The following NTM variants were observed in gnomAD, a reference collection of about 807,000 sequenced individuals.
The protein encoded by NTM is neurotrimin.
In NTM, 13 loss-of-function variants were observed where a neutral mutation model predicts 42.1. That is an observed-to-expected ratio of 0.31 (90% CI 0.20 to 0.49). NTM has a LOEUF of 0.49. NTM is among the 20% of genes least tolerant of loss of function. NTM has a pLI of 0.99. For missense variants in NTM, 373 were observed against 452.8 expected, an observed-to-expected ratio of 0.82 and a Z score of 1.60; for synonymous variants, 187 against 179.2, an observed-to-expected ratio of 1.04 and a Z score of -0.35.
At chr11:131,894,098 G>T (rs1283764817) in intron 1 of NTM, among the ~76,000 whole-genome samples, 1 of 152,198 alleles carries the variant, frequency 6.6e-6, no homozygotes, top group African/African-American at 2.4e-5. Flanking sequence ...AGTCAGCACC[G>T]AACACCTCTG....
At chr11:132,268,700 T>TGTG in intron 4 of NTM, among the ~76,000 whole-genome samples, 1 of 120,548 alleles carries the variant, frequency 8.3e-6, no homozygotes, top group Admixed American at 8.6e-5. Context: ...GTGTGTGTGT[T>TGTG]TTAGATAGTG....
intron 2 of NTM, among the ~76,000 whole-genome samples, chr11:131,946,260 C>A (rs2060335555): frequency 6.6e-6 from 1 of 152,100 alleles, no homozygotes; most frequent in South Asian, 2.1e-4. Context: ...TCCTCCTTAG[C>A]ACACTTGGGC....
intron 1 of NTM, among the ~76,000 whole-genome samples, chr11:131,802,157 A>G (rs1246631483): frequency 2.0e-5 from 3 of 152,196 alleles, no homozygotes; most frequent in Non-Finnish European, 2.9e-5. Context: ...AAAGACTCCT[A>G]AATTAGAGAA....
At chr11:131,411,728 C>T (rs992512023) in intron 1 of NTM, among the ~76,000 whole-genome samples, 1 of 152,026 alleles carries the variant, frequency 6.6e-6, no homozygotes, top group Non-Finnish European at 1.5e-5. Flanking sequence ...CGCAGTTGTA[C>T]GTGGGGATGC....
At chr11:131,897,399 A>G (rs929395517) in intron 1 of NTM, among the ~76,000 whole-genome samples, 1 of 152,244 alleles carries the variant, frequency 6.6e-6, no homozygotes, top group African/African-American at 2.4e-5. Flanking sequence ...GGTAAAGTTT[A>G]CATCACTGTG....
chr11:132,175,733 G>A (rs1226089094), intron 3 of NTM, among the ~76,000 whole-genome samples: 2 of 151,984 alleles, frequency 1.3e-5, no homozygotes, highest in African/African-American at 2.4e-5. Context: ...GACTACAGGT[G>A]CCCGCCACCA....
intron 5 of NTM, among the ~76,000 whole-genome samples, chr11:132,308,500 C>T (rs1219319495): frequency 1.3e-5 from 2 of 152,016 alleles, no homozygotes; most frequent in Non-Finnish European, 2.9e-5. Flanking sequence ...CACTCTTTTC[C>T]CTCTGGGTCC....
intron 1 of NTM, among the ~76,000 whole-genome samples, chr11:131,725,493 G>A (rs1366215546): frequency 1.3e-5 from 2 of 152,064 alleles, no homozygotes; most frequent in African/African-American, 2.4e-5. Flanking sequence ...TGAAGGAGGC[G>A]AGGGAATGAG....
intron 4 of NTM, among the ~76,000 whole-genome samples, chr11:132,236,334 G>T (rs913473767): frequency 6.6e-6 from 1 of 152,108 alleles, no homozygotes; most frequent in Non-Finnish European, 1.5e-5. Context: ...TTTTTTAGTA[G>T]CTCATATCGT....
At chr11:132,318,929 A>T (rs1388122736) in intron 7 of NTM, among the ~76,000 whole-genome samples, 1 of 152,254 alleles carries the variant, frequency 6.6e-6, no homozygotes, top group South Asian at 2.1e-4. Flanking sequence ...TTTATCATGG[A>T]AAGAGTGAGG....
intron 2 of NTM, among the ~76,000 whole-genome samples, chr11:132,111,675 T>C (rs1344565083): frequency 6.6e-6 from 1 of 152,200 alleles, no homozygotes; most frequent in African/African-American, 2.4e-5. Context: ...CTGAAAACAG[T>C]TGTAGATTCC....
chr11:131,617,330 T>C (rs1476639713), intron 1 of NTM, among the ~76,000 whole-genome samples: 1 of 152,160 alleles, frequency 6.6e-6, no homozygotes, highest in Non-Finnish European at 1.5e-5. Flanking sequence ...AACGTGTGCT[T>C]CGTACGTGCA....
intron 1 of NTM, among the ~76,000 whole-genome samples, chr11:131,648,729 GA>G (rs1040842889): frequency 2.6e-5 from 4 of 152,094 alleles, no homozygotes; most frequent in Admixed American, 1.3e-4. Flanking sequence ...TTCATACTAT[GA>G]AAAAAGAGGC....
intron 1 of NTM, chr11:131,661,209 A>G: frequency 5.3e-6 from 2 of 375,406 alleles, no homozygotes; most frequent in Admixed American, 7.6e-5. Context: ...TTGTCCTGTG[A>G]CACAATGGCC....
chr11:131,874,695 C>T (rs945502055), intron 1 of NTM, among the ~76,000 whole-genome samples: 4 of 152,146 alleles, frequency 2.6e-5, no homozygotes, highest in Non-Finnish European at 5.9e-5. Flanking sequence ...CTAAATTGTT[C>T]TCTAAACTAG....
At chr11:131,611,945 C>A (rs1376646589) in intron 1 of NTM, among the ~76,000 whole-genome samples, 2 of 152,190 alleles carry the variant, frequency 1.3e-5, no homozygotes, top group Non-Finnish European at 2.9e-5. Flanking sequence ...GGGACCCTCA[C>A]CTCCTGGTAC....
intron 2 of NTM, among the ~76,000 whole-genome samples, chr11:132,010,205 T>A (rs2135410846): frequency 6.6e-6 from 1 of 152,342 alleles, no homozygotes; most frequent in Non-Finnish European, 1.5e-5. Context: ...GTTTCAGAAA[T>A]GATTTCTCCC....
At chr11:132,122,927 T>C (rs949474089) in intron 2 of NTM, among the ~76,000 whole-genome samples, 1 of 152,154 alleles carries the variant, frequency 6.6e-6, no homozygotes, top group African/African-American at 2.4e-5. Flanking sequence ...ATTCATCTAA[T>C]TGGAAACAAA....
intron 2 of NTM, among the ~76,000 whole-genome samples, chr11:132,117,778 C>G (rs117705568): frequency 0.025 from 3,773 of 152,266 alleles, 71 homozygotes; most frequent in Middle Eastern, 0.1. Context: ...TACTTTACTG[C>G]TCTGTTTCTG....
Sources: gnomAD v4.1 joint callset for allele counts (sites outside exome capture counted in the v4.1 genomes callset) on GRCh38, gnomAD v4.1.1 for gene constraint, MANE v1.5 for transcripts, NCBI Gene and HGNC (gene_info 2026-07-23, HGNC 2026-07-21) for gene names.